The following ZDHHC20 variants were observed in gnomAD, a reference collection of about 807,000 sequenced individuals.
ZDHHC20 encodes palmitoyltransferase ZDHHC20.
Under a neutral mutation model 57.8 loss-of-function variants are expected in ZDHHC20, and 43 were observed. That is an observed-to-expected ratio of 0.74 (90% confidence interval 0.58 to 0.96). ZDHHC20 has a LOEUF of 0.96. Ranked by LOEUF, ZDHHC20 falls within the 40% of genes least tolerant of loss-of-function variation. The pLI is 0.00. For missense variants in ZDHHC20, 391 were observed against 441.1 expected, an observed-to-expected ratio of 0.89 and a Z score of 1.02; for synonymous variants, 157 against 153.0, an observed-to-expected ratio of 1.03 and a Z score of -0.19.
At chr13:21,449,622 G>T (rs909303521) in intron 1 of ZDHHC20, among the ~76,000 whole-genome samples, 4 of 151,886 alleles carry the variant, frequency 2.6e-5, no homozygotes, top group Non-Finnish European at 4.4e-5. Context: ...GATGGAAGAA[G>T]GTACAAATTA....
chr13:21,376,911 G>T (rs1161845071), intron 12 of ZDHHC20: 7 of 244,142 alleles, frequency 2.9e-5, no homozygotes, highest in Non-Finnish European at 5.4e-5. Context: ...TGCTAACTTG[G>T]ACATCATCTG....
rs2137586649 is a variant in ZDHHC20 at position 21,374,584 on chromosome 13, C to T, written c.*2112G>A. 6.8e-6 allele frequency: 2 copies of T among 296,268 alleles called. 1 individual carries two copies. The highest frequency in any genetic ancestry group is 5.9e-5 in the South Asian group (2 of 34,172). 18.4% of individuals were successfully genotyped at this position (296,268 alleles called of 1,614,324 possible). On this transcript the variant is annotated 3_prime_UTR_variant, in exon 13 of 13. Transcript: ENST00000400590. ...TTCTAGTTTGCTAGAATCAAGATTA[C>T]TAAGGAGTTGAAACAAAGGTAGAAG...
At chr13:21,400,007 G>T (rs1379774452) in intron 7 of ZDHHC20, among the ~76,000 whole-genome samples, 2 of 151,304 alleles carry the variant, frequency 1.3e-5, no homozygotes, top group African/African-American at 2.4e-5. Context: ...GCCTGGGGCT[G>T]AGGCAACCAC....
intron 2 of ZDHHC20, among the ~76,000 whole-genome samples, chr13:21,425,342 C>A (rs1160443996): frequency 6.6e-6 from 1 of 151,726 alleles, no homozygotes; most frequent in Admixed American, 6.6e-5. Flanking sequence ...TTAAAAAAAT[C>A]TAAATAAAAA....
chr13:21,384,313 G>A (rs183209430), intron 9 of ZDHHC20, among the ~76,000 whole-genome samples: 1 of 151,906 alleles, frequency 6.6e-6, no homozygotes, highest in African/African-American at 2.4e-5. Context: ...GGTGGCATGC[G>A]CCTGTAATCC....
chr13:21,399,104 AG>A (rs1486143951), intron 7 of ZDHHC20, among the ~76,000 whole-genome samples: 2 of 152,156 alleles, frequency 1.3e-5, no homozygotes. Flanking sequence ...GCACTTTGGG[AG>A]GCCAAGGCGG....
chr13:21,458,335 A>T (rs768559499), intron 1 of ZDHHC20, among the ~76,000 whole-genome samples: 3 of 152,238 alleles, frequency 2.0e-5, no homozygotes, highest in Non-Finnish European at 2.9e-5. Context: ...CCAAAATATG[A>T]GTATAAGAAA....
intron 2 of ZDHHC20, among the ~76,000 whole-genome samples, chr13:21,424,891 G>A (rs958673484): frequency 2.6e-5 from 4 of 152,026 alleles, no homozygotes; most frequent in South Asian, 4.1e-4. Flanking sequence ...TTGAGTCTGC[G>A]TTTATTCTGT....
chr13:21,399,793 G>A (rs1055116480), intron 7 of ZDHHC20, among the ~76,000 whole-genome samples: 2 of 151,962 alleles, frequency 1.3e-5, no homozygotes, highest in East Asian at 3.9e-4. Context: ...TTTTTTTCAC[G>A]TTAATAAAAG....
At chr13:21,397,410 C>G (rs1876964052) in intron 7 of ZDHHC20, among the ~76,000 whole-genome samples, 1 of 149,326 alleles carries the variant, frequency 6.7e-6, no homozygotes, top group East Asian at 2.0e-4. Context: ...ACCTGTAATC[C>G]CAGCACTTTG....
chr13:21,423,433 T>C (rs542336463), intron 2 of ZDHHC20, among the ~76,000 whole-genome samples: 1 of 152,280 alleles, frequency 6.6e-6, no homozygotes, highest in East Asian at 1.9e-4. Flanking sequence ...CCCAGCACTT[T>C]GGGAGGCTGG....
intron 1 of ZDHHC20, among the ~76,000 whole-genome samples, chr13:21,427,669 A>G (rs1358511638): frequency 6.6e-6 from 1 of 152,004 alleles, no homozygotes; most frequent in East Asian, 1.9e-4. Context: ...CCCCGTCTGC[A>G]CTAAAAAATG....
intron 10 of ZDHHC20, among the ~76,000 whole-genome samples, chr13:21,382,682 T>C (rs948602264): frequency 6.6e-6 from 1 of 152,214 alleles, no homozygotes; most frequent in Admixed American, 6.5e-5. Flanking sequence ...GGTTTAACTA[T>C]TAATAAACAA....
chr13:21,395,956 C>T (rs1876719770), intron 7 of ZDHHC20, among the ~76,000 whole-genome samples: 1 of 152,088 alleles, frequency 6.6e-6, no homozygotes, highest in African/African-American at 2.4e-5. Flanking sequence ...AATCCAGATC[C>T]CACACTGAGA....
intron 5 of ZDHHC20, 63 bp downstream of exon 5, chr13:21,402,734 T>C: frequency 1.5e-5 from 20 of 1,364,982 alleles, no homozygotes; most frequent in Non-Finnish European, 2.0e-5. Context: ...TTCCTTCCCC[T>C]TGCACTTTCC....
intron 3 of ZDHHC20, among the ~76,000 whole-genome samples, chr13:21,417,622 A>G (rs2137888641): frequency 6.6e-6 from 1 of 152,192 alleles, no homozygotes; most frequent in East Asian, 1.9e-4. Flanking sequence ...TGTTTTTAGT[A>G]GAGATGGGGT....
chr13:21,448,416 G>T (rs1884062282), intron 1 of ZDHHC20, among the ~76,000 whole-genome samples: 1 of 100,634 alleles, frequency 9.9e-6, no homozygotes, highest in African/African-American at 3.2e-5. Flanking sequence ...GGAGGGAGGT[G>T]GGGGGGTCAG....
At chr13:21,385,696 A>T (rs1874341396) in intron 9 of ZDHHC20, among the ~76,000 whole-genome samples, 1 of 152,208 alleles carries the variant, frequency 6.6e-6, no homozygotes, top group African/African-American at 2.4e-5. Context: ...ATAGGCAGAA[A>T]AAAATAAAGA....
intron 4 of ZDHHC20, among the ~76,000 whole-genome samples, chr13:21,406,118 T>G (rs1263679020): frequency 6.6e-6 from 1 of 152,146 alleles, no homozygotes; most frequent in Non-Finnish European, 1.5e-5. Flanking sequence ...GACCAGTTAT[T>G]TCCCCCTGGC....
Sources: gnomAD v4.1 joint callset for allele counts (sites outside exome capture counted in the v4.1 genomes callset) on GRCh38, gnomAD v4.1.1 for gene constraint, MANE v1.5 for transcripts, NCBI Gene and HGNC (gene_info 2026-07-23, HGNC 2026-07-21) for gene names.